Variants in SETBP1 observed in about 807,000 individuals in gnomAD.
The protein encoded by SETBP1 is SET binding protein 1.
In SETBP1, 9 loss-of-function variants were observed where a neutral mutation model predicts 101.0. The observed-to-expected ratio is 0.09, with a 90% CI of 0.05 to 0.16. SETBP1 has a LOEUF of 0.16. Among genes scored for constraint, SETBP1 ranks in the 10% least tolerant of loss-of-function variants. The pLI, the probability that SETBP1 is intolerant of heterozygous loss-of-function variation, is 1.00. For missense variants in SETBP1, 1,858 were observed against 2,033.8 expected, an observed-to-expected ratio of 0.91 and a Z score of 1.66; for synonymous variants, 818 against 788.5, an observed-to-expected ratio of 1.04 and a Z score of -0.63.
intron 4 of SETBP1, among the ~76,000 whole-genome samples, chr18:44,973,943 G>A (rs1041096905): frequency 2.6e-5 from 4 of 152,192 alleles, no homozygotes; most frequent in Non-Finnish European, 5.9e-5. Context: ...GGGCTTGTCA[G>A]ACTGTAGTCC....
intron 4 of SETBP1, among the ~76,000 whole-genome samples, chr18:45,030,977 A>G (rs1599471034): frequency 6.6e-6 from 1 of 151,604 alleles, no homozygotes; most frequent in Admixed American, 6.6e-5. Context: ...TGGATTCATT[A>G]ATTTTTTGAA....
At chr18:44,922,863 A>G (rs374371639) in intron 3 of SETBP1, among the ~76,000 whole-genome samples, 1 of 152,134 alleles carries the variant, frequency 6.6e-6, no homozygotes, top group East Asian at 1.9e-4. Flanking sequence ...AATGCTGGAG[A>G]AGCAGAAGCA....
intron 2 of SETBP1, among the ~76,000 whole-genome samples, chr18:44,822,295 C>A (rs552817863): frequency 1.3e-5 from 2 of 152,304 alleles, no homozygotes; most frequent in South Asian, 4.1e-4. Context: ...CATCAGCAGT[C>A]CAGGCAGTAT....
At chr18:45,000,761 G>A (rs2072599483) in intron 4 of SETBP1, among the ~76,000 whole-genome samples, 3 of 148,980 alleles carry the variant, frequency 2.0e-5, no homozygotes, top group African/African-American at 7.5e-5. Flanking sequence ...AAATCTGTGT[G>A]ACTAGAGCCA....
chr18:44,713,019 T>C (rs1416539791), intron 2 of SETBP1, among the ~76,000 whole-genome samples: 3 of 146,058 alleles, frequency 2.1e-5, no homozygotes, highest in Non-Finnish European at 4.5e-5. Flanking sequence ...AGGGCAGTGG[T>C]GTGATCTCTG....
intron 3 of SETBP1, among the ~76,000 whole-genome samples, chr18:44,892,625 T>G (rs1485705731): frequency 6.6e-6 from 1 of 152,140 alleles, no homozygotes; most frequent in African/African-American, 2.4e-5. Context: ...GGTAATGTAT[T>G]TTGTGGCTGG....
In SETBP1 at chr18:45,067,871, G is replaced by A. The variant is rs893031788; in HGVS notation, c.*4173G>A. 2.0e-5 allele frequency: 3 copies of A among 152,072 alleles called. No homozygotes were observed. The highest frequency in any genetic ancestry group is 4.4e-5 in the Non-Finnish European group (3 of 68,030). The allele number at this position is 152,072 out of a possible 1,614,324, so 9.4% of individuals were successfully genotyped here. ...GCCCAGGTCTAATAAACACTAAAGG[G>A]GGGAAATTGAAAGGAGCTGCCAACT... On this transcript the variant is annotated 3_prime_UTR_variant, in exon 6 of 6. Coordinates refer to ENST00000649279, the MANE Select transcript of SETBP1 (RefSeq NM_015559.3).
intron 2 of SETBP1, among the ~76,000 whole-genome samples, chr18:44,860,458 C>T (rs979493381): frequency 6.6e-6 from 1 of 152,128 alleles, no homozygotes; most frequent in African/African-American, 2.4e-5. Context: ...ATACTGCCTG[C>T]AAGATTGGCC....
intron 5 of SETBP1, among the ~76,000 whole-genome samples, chr18:45,044,594 G>A (rs139844210): frequency 1.2e-3 from 187 of 152,236 alleles, no homozygotes; most frequent in African/African-American, 4.1e-3. Context: ...TAGAGCAGCT[G>A]AGCTTCTCCT....
At chr18:45,016,191 G>T (rs950318431) in intron 4 of SETBP1, among the ~76,000 whole-genome samples, 5 of 152,190 alleles carry the variant, frequency 3.3e-5, no homozygotes, top group African/African-American at 1.2e-4. Flanking sequence ...TGAGGGTGGG[G>T]GAGGTTTTCC....
Position 44,869,264 on chromosome 18 carries a change from T to C in SETBP1, c.521T>C (p.Leu174Pro). Residue 174 changes from leucine (L) to proline (P), a missense_variant, in exon 3 of 6, where the codon CTC (leucine) becomes CCC (proline). By Grantham distance (98) the Leu-to-Pro change is moderately conservative. This residue lies in a region of SETBP1 where 581 missense variants were observed against 535.1 expected (regional missense o/e 1.09). Coordinates refer to ENST00000649279, the MANE Select transcript of SETBP1 (RefSeq NM_015559.3). Reference protein sequence around the residue: ...LTASDLAASDLKGFQPQAYER... With the variant: ...LTASDLAASDPKGFQPQAYER... ...GCCAGTGACCTTGCAGCCAGTGACC[T>C]CAAAGGATTTCAGCCACAGGTAAGT... 6.2e-7 allele frequency: 1 copy of C among 1,614,074 alleles called. No homozygotes were observed. Among genetic ancestry groups the C allele is most frequent in the Middle Eastern group, 1.6e-4 (1 of 6,062 alleles).
intron 2 of SETBP1, among the ~76,000 whole-genome samples, chr18:44,787,770 C>T (rs2071270562): frequency 1.5e-5 from 2 of 137,136 alleles, no homozygotes; most frequent in Non-Finnish European, 3.1e-5. Context: ...AGGAGAATGG[C>T]GTGAACCCGG....
chr18:44,884,561 G>T (rs562456773), intron 3 of SETBP1, among the ~76,000 whole-genome samples: 1 of 152,148 alleles, frequency 6.6e-6, no homozygotes, highest in Non-Finnish European at 1.5e-5. Context: ...CAGAACTTTT[G>T]TAAACTGACT....
chr18:44,847,318 C>T (rs183078312), intron 2 of SETBP1, among the ~76,000 whole-genome samples: 40 of 152,342 alleles, frequency 2.6e-4, no homozygotes, highest in Middle Eastern at 3.4e-3. Context: ...TAGTGCCTTA[C>T]GCAGTTCTGC....
intron 2 of SETBP1, among the ~76,000 whole-genome samples, chr18:44,735,958 A>T (rs926385134): frequency 3.3e-5 from 5 of 152,208 alleles, no homozygotes; most frequent in African/African-American, 1.2e-4. Flanking sequence ...GGAGGGAAAG[A>T]TAACATTTTG....
chr18:44,872,356 T>C (rs529579107), intron 3 of SETBP1, among the ~76,000 whole-genome samples: 1 of 152,330 alleles, frequency 6.6e-6, no homozygotes, highest in South Asian at 2.1e-4. Flanking sequence ...TGGGGTATAG[T>C]CTTCCGATCT....
intron 3 of SETBP1, among the ~76,000 whole-genome samples, chr18:44,916,290 C>T (rs538843662): frequency 6.6e-6 from 1 of 152,140 alleles, no homozygotes; most frequent in East Asian, 1.9e-4. Context: ...TGATGCTACT[C>T]TTAGTCCAAA....
chr18:44,931,305 A>G (rs1296704370), intron 3 of SETBP1, among the ~76,000 whole-genome samples: 1 of 152,142 alleles, frequency 6.6e-6, no homozygotes, highest in African/African-American at 2.4e-5. Flanking sequence ...TCTGAGAGAC[A>G]GTTTGTTATA....
chr18:44,892,626 T>C (rs1006417224), intron 3 of SETBP1, among the ~76,000 whole-genome samples: 1 of 152,154 alleles, frequency 6.6e-6, no homozygotes, highest in Non-Finnish European at 1.5e-5. Context: ...GTAATGTATT[T>C]TGTGGCTGGA....
Sources: gnomAD v4.1 joint callset for allele counts (sites outside exome capture counted in the v4.1 genomes callset) on GRCh38, gnomAD v4.1.1 for gene constraint, gnomAD v4.1.1 regional missense constraint, MANE v1.5 for transcripts, NCBI Gene and HGNC (gene_info 2026-07-23, HGNC 2026-07-21) for gene names.